TUSC3: variants seen among roughly 807,000 people sequenced by gnomAD.
TUSC3 encodes the protein dolichyl-diphosphooligosaccharide--protein glycosyltransferase subunit TUSC3.
TUSC3 carries 45 observed loss-of-function variants against 44.8 expected under a neutral mutation model. The ratio of observed to expected loss-of-function variants is 1.00; its 90% CI spans 0.79 to 1.29. TUSC3 has a LOEUF of 1.29. Among genes scored for constraint, TUSC3 ranks in the 50% most tolerant of loss-of-function variants. TUSC3 has a pLI of 0.00. For missense variants in TUSC3, 519 were observed against 437.9 expected, an observed-to-expected ratio of 1.19 and a Z score of -1.65; for synonymous variants, 212 against 152.9, an observed-to-expected ratio of 1.39 and a Z score of -2.85.
At chr8:15,848,292 T>C in the TUSC3 span, among the ~76,000 whole-genome samples, 2 of 152,312 alleles carry the variant, frequency 1.3e-5, no homozygotes, top group South Asian at 4.1e-4. Context: ...TTCTCACTTG[T>C]AGTTCTCAAG....
chr8:15,768,596 G>C (rs1254088891), downstream of TUSC3, among the ~76,000 whole-genome samples: 1 of 152,016 alleles, frequency 6.6e-6, no homozygotes, highest in African/African-American at 2.4e-5. Flanking sequence ...ATTAAATAAA[G>C]AATATCAGTA....
chr8:15,846,143 G>A, the TUSC3 span, among the ~76,000 whole-genome samples: 98 of 152,256 alleles, frequency 6.4e-4, no homozygotes, highest in African/African-American at 2.2e-3. Flanking sequence ...TGGGAATTCT[G>A]GGAGATATAA....
chr8:15,839,085 G>C, the TUSC3 span, among the ~76,000 whole-genome samples: 1 of 152,108 alleles, frequency 6.6e-6, no homozygotes, highest in African/African-American at 2.4e-5. Context: ...TCCCTTGTAA[G>C]TTGGATTCCT....
At chr8:15,770,744 G>A (rs1812427127), downstream of TUSC3, among the ~76,000 whole-genome samples, 1 of 152,010 alleles carries the variant, frequency 6.6e-6, no homozygotes, top group Admixed American at 6.6e-5. Context: ...AGTCTGAGGA[G>A]GAGACAAGGA....
At chr8:15,595,194 C>T (rs560530340) in intron 1 of TUSC3, among the ~76,000 whole-genome samples, 46 of 152,256 alleles carry the variant, frequency 3.0e-4, no homozygotes, top group Non-Finnish European at 5.6e-4. Flanking sequence ...CTGTAGTTCT[C>T]ATTATACTTT....
intron 6 of TUSC3, among the ~76,000 whole-genome samples, chr8:15,728,334 T>G (rs1053870760): frequency 1.3e-5 from 2 of 152,038 alleles, no homozygotes; most frequent in African/African-American, 4.8e-5. Flanking sequence ...GACAAATCTT[T>G]GGGCCTTATA....
At chr8:15,604,394 C>T (rs1403109418) in intron 1 of TUSC3, among the ~76,000 whole-genome samples, 9 of 151,474 alleles carry the variant, frequency 5.9e-5, no homozygotes, top group Non-Finnish European at 1.3e-4. Context: ...AGACCTTATT[C>T]GATGATAATT....
chr8:15,639,781 C>CG (rs1326933716), intron 2 of TUSC3, among the ~76,000 whole-genome samples: 3 of 48,358 alleles, frequency 6.2e-5, no homozygotes, highest in Non-Finnish European at 1.0e-4. Context: ...GCATAAGAGT[C>CG]GTTTTTTTTT....
the TUSC3 span, among the ~76,000 whole-genome samples, chr8:15,812,020 T>C: frequency 6.6e-6 from 1 of 152,218 alleles, no homozygotes; most frequent in Non-Finnish European, 1.5e-5. Context: ...TTAATCTGCA[T>C]TCCTTTTATT....
chr8:15,764,602 A>G lies in TUSC3; in HGVS notation c.*446A>G, dbSNP rs1430109775. ...GTACAGGGATAAAGCAAATGCATGAAAATATGTCATGTACTGAAAATTAAA... is the reference window on the plus strand; with the variant it reads ...GTACAGGGATAAAGCAAATGCATGAGAATATGTCATGTACTGAAAATTAAA... On this transcript the variant is annotated 3_prime_UTR_variant, in exon 11 of 11. Coordinates refer to ENST00000503731, the MANE Select transcript of TUSC3 (RefSeq NM_006765.4). 3 of 197,104 alleles carry G rather than the reference A, an allele frequency of 1.5e-5. No homozygotes were observed. Among genetic ancestry groups the G allele is most frequent in the African/African-American group, 7.1e-5 (3 of 42,294 alleles). 12.2% of individuals were successfully genotyped at this position (197,104 alleles called of 1,614,324 possible).
At chr8:15,457,537 G>C (rs533945619) in intron 1 of TUSC3, among the ~76,000 whole-genome samples, 132 of 151,032 alleles carry the variant, frequency 8.7e-4, no homozygotes, top group African/African-American at 3.0e-3. Context: ...GTATGAACCA[G>C]TAATTACGCA....
intron 1 of TUSC3, among the ~76,000 whole-genome samples, chr8:15,458,900 C>A (rs150253265): frequency 4.3e-4 from 65 of 152,260 alleles, no homozygotes; most frequent in African/African-American, 1.5e-3. Context: ...AGCTCCTCTA[C>A]TTTTGAAAGG....
intron 1 of TUSC3, among the ~76,000 whole-genome samples, chr8:15,571,461 A>C (rs1262101709): frequency 6.6e-6 from 1 of 152,182 alleles, no homozygotes; most frequent in Non-Finnish European, 1.5e-5. Context: ...TGTCTAAAAG[A>C]AAAGTATATA....
At chr8:15,431,984 C>T (rs918726497) in intron 1 of TUSC3, among the ~76,000 whole-genome samples, 5 of 151,384 alleles carry the variant, frequency 3.3e-5, no homozygotes, top group South Asian at 2.1e-4. Context: ...TTAATTGTGG[C>T]GTGTGATTCT....
intron 1 of TUSC3, among the ~76,000 whole-genome samples, chr8:15,582,589 C>A (rs1351454889): frequency 6.6e-6 from 1 of 152,266 alleles, no homozygotes; most frequent in African/African-American, 2.4e-5. Context: ...GAAAGTTGAT[C>A]ATACAAATTG....
At chr8:15,575,190 T>G (rs986938960) in intron 1 of TUSC3, among the ~76,000 whole-genome samples, 6 of 152,132 alleles carry the variant, frequency 3.9e-5, no homozygotes, top group Non-Finnish European at 8.8e-5. Flanking sequence ...CTATACTACT[T>G]TATGTTTGGA....
At chr8:15,822,307 A>C in the TUSC3 span, among the ~76,000 whole-genome samples, 15 of 152,332 alleles carry the variant, frequency 9.8e-5, no homozygotes, top group African/African-American at 3.6e-4. Context: ...CATAAGGAAG[A>C]GACTAGGCTA....
At chr8:15,495,438 G>A (rs547705799) in intron 2 of TUSC3, among the ~76,000 whole-genome samples, 2 of 152,110 alleles carry the variant, frequency 1.3e-5, no homozygotes, top group Non-Finnish European at 2.9e-5. Context: ...CACATACCCA[G>A]TGAACCCACT....
chr8:15,640,850 A>G (rs1806335013), intron 2 of TUSC3, among the ~76,000 whole-genome samples: 2 of 152,190 alleles, frequency 1.3e-5, no homozygotes. Flanking sequence ...AAGGAAAAGC[A>G]CAGAGATTTA....
Sources: allele counts gnomAD v4.1 joint callset (sites outside exome capture counted in the v4.1 genomes callset), GRCh38; gene constraint gnomAD v4.1.1; transcripts MANE v1.5; gene names NCBI Gene and HGNC (gene_info 2026-07-23, HGNC 2026-07-21).